Variants in UBE3D observed in about 807,000 individuals in gnomAD.
UBE3D encodes the protein E3 ubiquitin-protein ligase E3D.
Under a neutral mutation model 49.6 loss-of-function variants are expected in UBE3D, and 48 were observed. The ratio of observed to expected loss-of-function variants is 0.97; its 90% CI spans 0.77 to 1.23. The LOEUF is 1.23. UBE3D is among the 50% of genes most tolerant of loss of function. The pLI is 0.00. For missense variants in UBE3D, 452 were observed against 468.4 expected, an observed-to-expected ratio of 0.96 and a Z score of 0.32; for synonymous variants, 189 against 174.2, an observed-to-expected ratio of 1.08 and a Z score of -0.67.
intron 4 of UBE3D, among the ~76,000 whole-genome samples, chr6:83,039,110 A>T (rs1303750363): frequency 6.6e-6 from 1 of 152,234 alleles, no homozygotes; most frequent in Non-Finnish European, 1.5e-5. Context: ...TACAGATTAA[A>T]ATAGCTAGCA....
chr6:83,023,992 C>A lies in UBE3D; in HGVS notation c.714G>T (p.Glu238Asp). Reference sequence around the variant, plus strand: ...ACCTTGGTATGATAGGAAAACTCCTCTCAGATGACTGAATAATTATCTCTG... The same window carrying A: ...ACCTTGGTATGATAGGAAAACTCCTATCAGATGACTGAATAATTATCTCTG... ...YMTEIIIQSS[E>D]RSFPIIPRSW... The change falls in exon 6 of 10, where the codon GAG becomes GAT. Residue 238 changes from glutamate to aspartate, a missense_variant. Glu to Asp is a conservative substitution (Grantham distance 45, BLOSUM62 2). Coordinates refer to ENST00000369747, the MANE Select transcript of UBE3D (RefSeq NM_198920.3). 1 of 1,535,684 alleles carries A rather than the reference C, an allele frequency of 6.5e-7. No homozygotes were observed. Among genetic ancestry groups the A allele is most frequent in the East Asian group, 2.4e-5 (1 of 41,892 alleles).
rs527406000 is a variant in UBE3D at position 83,062,148 on chromosome 6, G to T, written c.77+3494C>A. ...TAAACCCTATGCTCAACAAAGGCAG[G>T]TGTTTTTGTCTTTGCTGTTGTTACT... On this transcript the variant is annotated intron_variant, in intron 1 of 9. Coordinates refer to ENST00000369747, the MANE Select transcript of UBE3D (RefSeq NM_198920.3). 2.6e-5 allele frequency among the ~76,000 whole-genome samples: 4 copies of T among 152,212 alleles called. No individual in the cohort carries two copies. The East Asian group carries it at 7.7e-4, about 29-fold the overall frequency.
At chr6:83,049,084 T>C (rs1027276187) in intron 3 of UBE3D, among the ~76,000 whole-genome samples, 1 of 152,208 alleles carries the variant, frequency 6.6e-6, no homozygotes, top group Non-Finnish European at 1.5e-5. Flanking sequence ...CCAAATGATA[T>C]TGATGTTTAA....
At chr6:83,043,172 T>C (rs990106880) in intron 4 of UBE3D, among the ~76,000 whole-genome samples, 1 of 152,216 alleles carries the variant, frequency 6.6e-6, no homozygotes, top group African/African-American at 2.4e-5. Context: ...GATGAATATA[T>C]TTCAGCACAG....
At chr6:82,909,269 G>C (rs1772326621) in intron 9 of UBE3D, among the ~76,000 whole-genome samples, 1 of 152,268 alleles carries the variant, frequency 6.6e-6, no homozygotes, top group East Asian at 1.9e-4. Context: ...TCTGATGTTT[G>C]CAGAAAACAA....
rs549512079 is a variant in UBE3D, at chr6:83,007,729, G to A, written c.1010+11244C>T. On this transcript the variant is annotated intron_variant, in intron 8 of 9. Coordinates refer to ENST00000369747, the MANE Select transcript of UBE3D (RefSeq NM_198920.3). ...GGATGTTGAGGTGGGTGAATCACTT[G>A]AGCCCAGCAGTTCGAGATAAGTCTG... 7.2e-5 allele frequency among the ~76,000 whole-genome samples: 11 copies of A among 152,254 alleles called. No individual in the cohort carries two copies. The South Asian group carries it at 1.5e-3, about 20-fold the overall frequency.
Position 82,917,399 on chromosome 6 carries a change from T to C in UBE3D, c.1150-24357A>G, listed in dbSNP as rs527382893. 2.0e-5 allele frequency among the ~76,000 whole-genome samples: 3 copies of C among 151,848 alleles called. No homozygotes were observed. In the South Asian group the frequency reaches 6.2e-4, roughly 32 times the overall value. On this transcript the variant is annotated intron_variant, in intron 9 of 9. Coordinates refer to ENST00000369747, the MANE Select transcript of UBE3D (RefSeq NM_198920.3). ...ATGAGCAGAGAGGAGGCAAAATACG[T>C]ATGCAGGAAGGAACACTCTCGGACA...
At chr6:83,002,582 G>A (rs1378955580) in intron 8 of UBE3D, among the ~76,000 whole-genome samples, 2 of 152,224 alleles carry the variant, frequency 1.3e-5, no homozygotes, top group Non-Finnish European at 2.9e-5. Context: ...CTACTTGGGA[G>A]GCTGAGGCAG....
intron 1 of UBE3D, 152 bp downstream of exon 1, chr6:83,065,490 A>C (rs1784431701): frequency 2.9e-6 from 2 of 695,906 alleles, no homozygotes; most frequent in East Asian, 5.9e-5. Context: ...AGCCGACTAC[A>C]GGGGAAAGCT....
At chr6:82,893,106 C>T in intron 9 of UBE3D, 64 bp from the exon 10 acceptor site, 10 of 1,584,928 alleles carry the variant, frequency 6.3e-6, no homozygotes, top group Non-Finnish European at 8.7e-6. Context: ...GCTGCATGTA[C>T]ATCAAATCAG....
At chr6:82,994,942 T>C (rs16879723) in intron 8 of UBE3D, among the ~76,000 whole-genome samples, 5,218 of 152,262 alleles carry the variant, frequency 0.034, 146 homozygotes, top group East Asian at 0.1. Context: ...GTAAACAACT[T>C]AAGTGAAAGG....
intron 8 of UBE3D, among the ~76,000 whole-genome samples, chr6:82,970,156 C>A (rs1480660521): frequency 1.3e-5 from 2 of 148,886 alleles, no homozygotes; most frequent in Non-Finnish European, 3.0e-5. Context: ...AATTTAAGGA[C>A]AGAAAAATTG....
chr6:82,919,420 G>T (rs758190347), intron 9 of UBE3D, among the ~76,000 whole-genome samples: 1 of 151,218 alleles, frequency 6.6e-6, no homozygotes, highest in Non-Finnish European at 1.5e-5. Context: ...TGGCTAACAC[G>T]GTGAAACCCT....
At chr6:83,030,287 G>A (rs1781773539) in intron 5 of UBE3D, among the ~76,000 whole-genome samples, 1 of 152,080 alleles carries the variant, frequency 6.6e-6, no homozygotes, top group South Asian at 2.1e-4. Context: ...TCCCATAATT[G>A]CCATGTATCA....
chr6:83,060,879 A>G (rs1305111239), intron 1 of UBE3D, among the ~76,000 whole-genome samples: 1 of 152,234 alleles, frequency 6.6e-6, no homozygotes, highest in Non-Finnish European at 1.5e-5. Flanking sequence ...AACCCACAGT[A>G]AGAATCATGT....
At chr6:83,055,096 A>T (rs1783731097) in intron 2 of UBE3D, among the ~76,000 whole-genome samples, 1 of 151,846 alleles carries the variant, frequency 6.6e-6, no homozygotes, top group Non-Finnish European at 1.5e-5. Context: ...CCCAGATCAA[A>T]AATCAATTTC....
At chr6:83,063,135 G>C in intron 1 of UBE3D, 1 of 270,560 alleles carries the variant, frequency 3.7e-6, no homozygotes, top group Non-Finnish European at 7.3e-6. Context: ...AAACGAGGCA[G>C]GGCATGGTGG....
intron 6 of UBE3D, among the ~76,000 whole-genome samples, chr6:83,023,447 C>T (rs1479204671): frequency 6.6e-6 from 1 of 152,060 alleles, no homozygotes; most frequent in East Asian, 1.9e-4. Context: ...TTTCCTTTTC[C>T]AAATAAAGAA....
chr6:82,933,963 G>T (rs993135124), intron 9 of UBE3D, among the ~76,000 whole-genome samples: 1 of 152,134 alleles, frequency 6.6e-6, no homozygotes, highest in Non-Finnish European at 1.5e-5. Flanking sequence ...ATCATTATGA[G>T]TGATATGGTC....
Sources: gnomAD v4.1 joint callset for allele counts (sites outside exome capture counted in the v4.1 genomes callset) on GRCh38, gnomAD v4.1.1 for gene constraint, MANE v1.5 for transcripts, NCBI Gene and HGNC (gene_info 2026-07-23, HGNC 2026-07-21) for gene names.